Variants in RAB27B observed in about 807,000 individuals in gnomAD.
The protein encoded by RAB27B is ras-related protein Rab-27B.
A neutral mutation model predicts 24.6 loss-of-function variants in RAB27B; 15 were observed. The observed-to-expected ratio is 0.61, with a 90% CI of 0.41 to 0.94. The LOEUF is 0.94. Ranked by LOEUF, RAB27B falls within the 40% of genes least tolerant of loss-of-function variation. The probability of loss-of-function intolerance (pLI) is 0.00; values close to 1 mark genes in which losing one functional copy is unlikely to be tolerated. For missense variants in RAB27B, 261 were observed against 266.8 expected (o/e 0.98, Z 0.15); for synonymous variants, 105 against 92.5 (o/e 1.14, Z -0.78).
Position 54,887,983 on chromosome 18 carries a change from T to A in RAB27B, c.344-12T>A, listed in dbSNP as rs1295829777. The A allele has an allele frequency of 6.2e-7, 1 of 1,608,138 alleles. No individual in the cohort carries two copies. Among genetic ancestry groups the A allele is most frequent in the Non-Finnish European group, 8.5e-7 (1 of 1,176,808 alleles). On this transcript the variant is annotated splice_polypyrimidine_tract_variant and intron_variant, in intron 4 of 5. Coordinates refer to ENST00000262094, the MANE Select transcript of RAB27B (RefSeq NM_004163.4). ...TCAATAACTTGCTGGTTCCATCTGC[T>A]TTCTTTTCAAGGCCAACTGCAAGCA... is the stretch of plus-strand genomic sequence containing the variant.
At chr18:54,804,337 G>A (rs571822268) in intron 2 of RAB27B, among the ~76,000 whole-genome samples, 5 of 152,094 alleles carry the variant, frequency 3.3e-5, no homozygotes, top group Non-Finnish European at 7.4e-5. Flanking sequence ...TTGAATCATG[G>A]GGACCAATCT....
At chr18:54,810,105 C>T (rs1192377208) in intron 2 of RAB27B, among the ~76,000 whole-genome samples, 1 of 152,098 alleles carries the variant, frequency 6.6e-6, no homozygotes, top group East Asian at 1.9e-4. Flanking sequence ...GAACAAGTGC[C>T]TAGAATGTAC....
chr18:54,878,305 T>C (rs1357143258), intron 2 of RAB27B, among the ~76,000 whole-genome samples: 2 of 152,184 alleles, frequency 1.3e-5, no homozygotes, highest in African/African-American at 4.8e-5. Context: ...CCTTCTCCTA[T>C]GCTAGACGCT....
chr18:54,725,995 TTCATGACAGC>T (rs1909525693), intron 2 of RAB27B, among the ~76,000 whole-genome samples: 1 of 151,640 alleles, frequency 6.6e-6, no homozygotes, highest in South Asian at 2.1e-4. Context: ...ATATTGATAC[TTCATGACAGC>T]TCATCTATGA....
At chr18:54,737,895 C>T (rs771011816) in intron 2 of RAB27B, among the ~76,000 whole-genome samples, 1 of 152,094 alleles carries the variant, frequency 6.6e-6, no homozygotes, top group Non-Finnish European at 1.5e-5. Flanking sequence ...AGGTTCAAAT[C>T]AGCCATAAAA....
At chr18:54,763,499 G>T (rs1014227254) in intron 2 of RAB27B, among the ~76,000 whole-genome samples, 9 of 152,238 alleles carry the variant, frequency 5.9e-5, no homozygotes, top group African/African-American at 1.7e-4. Context: ...GGTAGGTGGA[G>T]ATTATCAGTA....
chr18:54,838,227 T>C (rs1176775524), intron 1 of RAB27B, among the ~76,000 whole-genome samples: 1 of 152,122 alleles, frequency 6.6e-6, no homozygotes, highest in Non-Finnish European at 1.5e-5. Context: ...TACAGAATAA[T>C]TGTCTAGTAA....
At chr18:54,785,436 GTTT>G (rs59750951) in intron 2 of RAB27B, among the ~76,000 whole-genome samples, 1 of 101,698 alleles carries the variant, frequency 9.8e-6, no homozygotes, top group Non-Finnish European at 1.8e-5. Flanking sequence ...CCTTCCTCAG[GTTT>G]TTTTTTTTTT....
chr18:54,748,446 G>A (rs1335607258), intron 2 of RAB27B, among the ~76,000 whole-genome samples: 2 of 152,076 alleles, frequency 1.3e-5, no homozygotes, highest in African/African-American at 4.8e-5. Flanking sequence ...AATCACTCAA[G>A]TTTACATTGA....
chr18:54,831,425 ATGAACATGTTGGCCTT>A (rs1267156097), intron 1 of RAB27B, among the ~76,000 whole-genome samples: 2 of 152,218 alleles, frequency 1.3e-5, no homozygotes, highest in East Asian at 3.8e-4. Context: ...GAAGGTCCTA[ATGAACATGTTGGCCTT>A]TGTTTTTTAT....
At chr18:54,735,952 C>T (rs759891223) in intron 2 of RAB27B, among the ~76,000 whole-genome samples, 2 of 152,168 alleles carry the variant, frequency 1.3e-5, no homozygotes, top group African/African-American at 4.8e-5. Flanking sequence ...CCAAATGATA[C>T]ATAATATTTT....
At chr18:54,884,519 G>C in intron 4 of RAB27B, 83 bp downstream of exon 4, 1 of 856,970 alleles carries the variant, frequency 1.2e-6, no homozygotes, top group Non-Finnish European at 1.9e-6. Context: ...GATGAAACCA[G>C]ATTGGGTACC....
At chr18:54,758,537 C>T (rs1908076921) in intron 2 of RAB27B, among the ~76,000 whole-genome samples, 2 of 151,348 alleles carry the variant, frequency 1.3e-5, no homozygotes, top group Non-Finnish European at 2.9e-5. Flanking sequence ...TCAGGAAAGA[C>T]TTCATGTATG....
chr18:54,733,424 C>T (rs946299338), intron 2 of RAB27B, among the ~76,000 whole-genome samples: 2 of 152,134 alleles, frequency 1.3e-5, no homozygotes, highest in Non-Finnish European at 2.9e-5. Flanking sequence ...ATTAATCATA[C>T]AGTTCTTATT....
chr18:54,826,862 A>G (rs112614843), upstream of RAB27B, among the ~76,000 whole-genome samples: 732 of 152,338 alleles, frequency 4.8e-3, 5 homozygotes, highest in Non-Finnish European at 7.9e-3. Context: ...ATTTCACAGT[A>G]ATGTTGTGAA....
intron 1 of RAB27B, among the ~76,000 whole-genome samples, chr18:54,839,623 A>G (rs960864042): frequency 1.3e-5 from 2 of 152,212 alleles, no homozygotes; most frequent in Non-Finnish European, 2.9e-5. Context: ...TTTCTTATCT[A>G]CTAAGGTCCT....
intron 1 of RAB27B, among the ~76,000 whole-genome samples, chr18:54,831,192 G>A (rs1910660587): frequency 6.6e-6 from 1 of 152,304 alleles, no homozygotes. Context: ...TTCTAGATCA[G>A]ATGCCCAGGA....
At chr18:54,762,930 T>A (rs534416949) in intron 2 of RAB27B, among the ~76,000 whole-genome samples, 32 of 152,284 alleles carry the variant, frequency 2.1e-4, no homozygotes, top group Admixed American at 5.9e-4. Context: ...TGTGTCACAA[T>A]GAGTGTACCC....
intron 2 of RAB27B, among the ~76,000 whole-genome samples, chr18:54,737,844 T>A (rs1365992416): frequency 6.6e-6 from 1 of 152,186 alleles, no homozygotes; most frequent in East Asian, 1.9e-4. Flanking sequence ...AATATCAATA[T>A]AATCATTTAT....
Sources: gnomAD v4.1 joint callset for allele counts (sites outside exome capture counted in the v4.1 genomes callset) on GRCh38, gnomAD v4.1.1 for gene constraint, MANE v1.5 for transcripts, NCBI Gene and HGNC (gene_info 2026-07-23, HGNC 2026-07-21) for gene names.